Variants in TMEM167A observed in about 807,000 individuals in gnomAD.
The protein encoded by TMEM167A is protein kish-A.
TMEM167A carries 8 observed loss-of-function variants against 11.6 expected under a neutral mutation model. The ratio of observed to expected loss-of-function variants is 0.69; its 90% confidence interval spans 0.40 to 1.24. The LOEUF (loss-of-function observed/expected upper bound fraction) is 1.24, where lower values mean the gene tolerates loss of function less well. TMEM167A is among the 50% of genes most tolerant of loss of function. The probability of loss-of-function intolerance (pLI) is 0.01; values close to 1 mark genes in which losing one functional copy is unlikely to be tolerated. For missense variants in TMEM167A, 62 were observed against 87.0 expected, an observed-to-expected ratio of 0.71 and a Z score of 1.14; for synonymous variants, 22 against 28.0, an observed-to-expected ratio of 0.79 and a Z score of 0.67.
chr5:83,065,897 CTATTCAAAATTCAGCT>C (rs1744474736), intron 1 of TMEM167A, among the ~76,000 whole-genome samples: 2 of 152,102 alleles, frequency 1.3e-5, no homozygotes, highest in South Asian at 4.1e-4. Context: ...TGGACTTATT[CTATTCAAAATTCAGCT>C]CTAGCATCAC....
In TMEM167A at chr5:83,054,155, G is replaced by A. The variant is rs1744296230; in HGVS notation, c.*2929C>T. 1 of 151,926 alleles carries A rather than the reference G, an allele frequency of 6.6e-6. No individual in the cohort carries two copies. Among genetic ancestry groups the A allele is most frequent in the South Asian group, 2.1e-4 (1 of 4,826 alleles). 9.4% of individuals were successfully genotyped at this position (151,926 alleles called of 1,614,324 possible). A position where few individuals can be genotyped will look rare whatever the true frequency, so the allele number is the denominator to read the frequency against. ...TGAAGGAATCTATTGCAAGTTACAC[G>A]TTACTATCATCCCCTGGTATGAAAG... On this transcript the variant is annotated 3_prime_UTR_variant, in exon 4 of 4. Transcript: ENST00000502346.
chr5:83,063,355 T>C (rs927286970), intron 2 of TMEM167A, among the ~76,000 whole-genome samples: 2 of 152,098 alleles, frequency 1.3e-5, no homozygotes, highest in Admixed American at 6.6e-5. Context: ...TGTTCATATA[T>C]AGGCTAAGGA....
At chr5:83,061,444 C>G (rs1744404845) in intron 3 of TMEM167A, among the ~76,000 whole-genome samples, 1 of 152,176 alleles carries the variant, frequency 6.6e-6, no homozygotes, top group South Asian at 2.1e-4. Context: ...GAGTCTCACT[C>G]TGTCGCCCAG....
chr5:83,057,753 A>G (rs1744352787), intron 3 of TMEM167A, among the ~76,000 whole-genome samples: 1 of 152,144 alleles, frequency 6.6e-6, no homozygotes, highest in Non-Finnish European at 1.5e-5. Context: ...GAAAAGTAGA[A>G]CTAAAACTAA....
rs201460515 is a variant in TMEM167A, at chr5:83,077,336, G to C, written c.-13C>G. On this transcript the variant is annotated 5_prime_UTR_variant, in exon 1 of 4. It adds an upstream start codon to the 5' untranslated region. Transcript: ENST00000502346. ...CACTTCTTACCATAGCGAGGCCGGC[G>C]ATGCCGCAGCCACATCACCCTTCCG... The C allele has an allele frequency of 2.6e-4, 415 of 1,614,182 alleles. No homozygotes were observed. Among genetic ancestry groups the C allele is most frequent in the Non-Finnish European group, 3.1e-4 (369 of 1,180,028 alleles).
At chr5:83,071,547 G>A (rs887804961) in intron 1 of TMEM167A, 3 of 152,094 alleles carry the variant, frequency 2.0e-5, no homozygotes, top group Non-Finnish European at 4.4e-5. Context: ...ACATGAAAAT[G>A]CAAGAATGTT....
chr5:83,072,690 G>A (rs1744580538), intron 1 of TMEM167A, among the ~76,000 whole-genome samples: 1 of 152,034 alleles, frequency 6.6e-6, no homozygotes, highest in African/African-American at 2.4e-5. Context: ...CACCAAGCCC[G>A]GCTAGTTTTT....
At chr5:83,059,167 A>C (rs1430578987) in intron 3 of TMEM167A, among the ~76,000 whole-genome samples, 1 of 101,356 alleles carries the variant, frequency 9.9e-6, no homozygotes, top group Non-Finnish European at 1.7e-5. Flanking sequence ...AATAACAAGC[A>C]AAAAAAAAAA....
At chr5:83,063,473 A>G (rs2112242164) in intron 2 of TMEM167A, among the ~76,000 whole-genome samples, 2 of 152,242 alleles carry the variant, frequency 1.3e-5, no homozygotes, top group East Asian at 3.9e-4. Flanking sequence ...TCTAGAACCC[A>G]CTGAAAACCA....
At chr5:83,074,666 G>T (rs1744612281) in intron 1 of TMEM167A, among the ~76,000 whole-genome samples, 1 of 152,124 alleles carries the variant, frequency 6.6e-6, no homozygotes, top group Non-Finnish European at 1.5e-5. Flanking sequence ...TACATGTGTT[G>T]TCTTGCTACA....
At position 83,055,012 on chromosome 5, in the gene TMEM167A, T is replaced by C. The variant is rs1744307944; in HGVS notation, c.*2072A>G. On this transcript the variant is annotated 3_prime_UTR_variant, in exon 4 of 4. Coordinates refer to ENST00000502346, the MANE Select transcript of TMEM167A (RefSeq NM_174909.5). ...ATTCCGTGGTCCTCTTTGAAAAATA[T>C]ACATTAAAGAAAATGTTAATTGCTT... The C allele has an allele frequency of 2.6e-5, 4 of 152,008 alleles. No homozygotes were observed. The South Asian group carries it at 8.3e-4, about 31-fold the overall frequency. The allele number at this position is 152,008 out of a possible 1,614,324, so 9.4% of individuals were successfully genotyped here.
At chr5:83,069,489 G>A (rs572953832) in intron 1 of TMEM167A, among the ~76,000 whole-genome samples, 9 of 152,040 alleles carry the variant, frequency 5.9e-5, no homozygotes, top group African/African-American at 1.7e-4. Context: ...ATTTTTTTCA[G>A]GGCCTTTAAG....
intron 3 of TMEM167A, among the ~76,000 whole-genome samples, chr5:83,059,118 T>C (rs1027381797): frequency 6.8e-6 from 1 of 147,352 alleles, no homozygotes; most frequent in African/African-American, 2.6e-5. Context: ...ATTCAACCTA[T>C]AGCATTCATA....
intron 2 of TMEM167A, chr5:83,064,223 T>G (rs770331160): frequency 6.2e-5 from 32 of 518,224 alleles, no homozygotes; most frequent in Non-Finnish European, 1.1e-4. Context: ...AGAAATATAC[T>G]ACCACTCAAC....
rs547805532 is a variant in TMEM167A at position 83,061,936 on chromosome 5, AAGT to A, written c.114-28_114-26del. ...TCTGCATAGAATAAAAAAAGAAAAA[AAGT>A]AGCTATTGATTACTCGGAAAGGTAA... On this transcript the variant is annotated intron_variant, in intron 2 of 3. Coordinates refer to ENST00000502346, the MANE Select transcript of TMEM167A (RefSeq NM_174909.5). 48 of 1,598,578 alleles carry A rather than the reference AAGT, an allele frequency of 3.0e-5. No individual in the cohort carries two copies. In the African/African-American group the frequency reaches 5.0e-4, roughly 17 times the overall value.
At chr5:83,072,379 T>G (rs915604400) in intron 1 of TMEM167A, among the ~76,000 whole-genome samples, 1 of 152,204 alleles carries the variant, frequency 6.6e-6, no homozygotes, top group Non-Finnish European at 1.5e-5. Context: ...CCTCTGACCT[T>G]GCAATCAAGA....
Position 83,070,897 on chromosome 5 carries a change from T to C in TMEM167A, c.4-5780A>G, listed in dbSNP as rs377154425. On this transcript the variant is annotated intron_variant, in intron 1 of 3. Transcript: ENST00000502346. ...TAAGTCTAAGAGCTCAAGGTATTTATTAACAAAACTTTCAAATAAGAAATC... is the reference window on the plus strand; with the variant it reads ...TAAGTCTAAGAGCTCAAGGTATTTACTAACAAAACTTTCAAATAAGAAATC... Among the ~76,000 whole-genome samples, 71 of 152,092 alleles carry C rather than the reference T, an allele frequency of 4.7e-4. No individual in the cohort carries two copies. In the Middle Eastern group the frequency reaches 0.01, roughly 22 times the overall value.
intron 3 of TMEM167A, among the ~76,000 whole-genome samples, chr5:83,060,428 C>T (rs1483894569): frequency 6.8e-6 from 1 of 147,864 alleles, no homozygotes; most frequent in Non-Finnish European, 1.5e-5. Context: ...CCAAAGAGGA[C>T]AGATAAGAAA....
intron 1 of TMEM167A, among the ~76,000 whole-genome samples, chr5:83,073,752 T>C (rs937718289): frequency 2.0e-5 from 3 of 152,244 alleles, no homozygotes; most frequent in Admixed American, 6.5e-5. Context: ...AACGTGCAAT[T>C]GGGAATGGAG....
Sources: allele counts gnomAD v4.1 joint callset (sites outside exome capture counted in the v4.1 genomes callset), GRCh38; gene constraint gnomAD v4.1.1; transcripts MANE v1.5; gene names NCBI Gene and HGNC (gene_info 2026-07-23, HGNC 2026-07-21).